GPR149: variants seen among roughly 807,000 people sequenced by gnomAD.
GPR149 encodes the protein G protein-coupled receptor 149.
In GPR149, 50 loss-of-function variants were observed where a neutral mutation model predicts 50.2. The ratio of observed to expected loss-of-function variants is 1.00; its 90% CI spans 0.79 to 1.26. The LOEUF is 1.26. GPR149 is among the 50% of genes most tolerant of loss of function. The probability of loss-of-function intolerance (pLI) is 0.00; values close to 1 mark genes in which losing one functional copy is unlikely to be tolerated. For missense variants in GPR149, 983 were observed against 895.4 expected, an observed-to-expected ratio of 1.10 and a Z score of -1.25; for synonymous variants, 405 against 358.2, an observed-to-expected ratio of 1.13 and a Z score of -1.48.
intron 3 of GPR149, among the ~76,000 whole-genome samples, chr3:154,376,216 A>G (rs1481686765): frequency 1.2e-5 from 1 of 80,564 alleles, no homozygotes; most frequent in Non-Finnish European, 3.5e-5. Context: ...TTTATCATGT[A>G]TTTGTTAATG....
intron 3 of GPR149, among the ~76,000 whole-genome samples, chr3:154,383,022 A>T (rs1228926882): frequency 1.3e-5 from 2 of 152,116 alleles, no homozygotes; most frequent in Admixed American, 1.3e-4. Context: ...CTCGTTGAGA[A>T]TGAAGTGAGG....
At chr3:154,385,841 A>G (rs1441343495) in intron 3 of GPR149, among the ~76,000 whole-genome samples, 1 of 151,910 alleles carries the variant, frequency 6.6e-6, no homozygotes, top group Non-Finnish European at 1.5e-5. Context: ...AGCTGGGACT[A>G]CAGGTGCCTG....
At chr3:154,380,373 C>T (rs757590637) in intron 3 of GPR149, among the ~76,000 whole-genome samples, 6 of 152,110 alleles carry the variant, frequency 3.9e-5, no homozygotes, top group Non-Finnish European at 7.4e-5. Flanking sequence ...GGTTTCTCTA[C>T]TATTTGAATT....
chr3:154,337,643 T>G lies in GPR149; in HGVS notation c.*56A>C. 8.0e-7 allele frequency: 1 copy of G among 1,252,170 alleles called. No individual in the cohort carries two copies. Among genetic ancestry groups the G allele is most frequent in the Non-Finnish European group, 1.1e-6 (1 of 901,418 alleles). 77.6% of individuals were successfully genotyped at this position (1,252,170 alleles called of 1,614,324 possible). On this transcript the variant is annotated 3_prime_UTR_variant, in exon 4 of 4. Coordinates refer to ENST00000389740, the MANE Select transcript of GPR149 (RefSeq NM_001038705.3). ...GAAATCAGTCTCATAACAAAGGTGT[T>G]AGTTTCACAGTTGACGTTGCAGATC... is the stretch of plus-strand genomic sequence containing the variant.
chr3:154,393,253 C>G (rs13073434), intron 3 of GPR149, among the ~76,000 whole-genome samples: 4,757 of 152,060 alleles, frequency 0.031, 115 homozygotes, highest in Non-Finnish European at 0.043. Flanking sequence ...TGCAATTTAT[C>G]CCTGGAAGGC....
chr3:154,370,236 C>A (rs1025774013), intron 3 of GPR149, among the ~76,000 whole-genome samples: 3 of 152,132 alleles, frequency 2.0e-5, no homozygotes, highest in African/African-American at 7.2e-5. Context: ...GCATAGTCTG[C>A]TTTAGGCCCA....
intron 3 of GPR149, among the ~76,000 whole-genome samples, chr3:154,369,593 C>A (rs554845406): frequency 1.2e-3 from 187 of 152,304 alleles, no homozygotes; most frequent in African/African-American, 4.0e-3. Context: ...ACTCCGTGAG[C>A]CAGGCACCCA....
chr3:154,344,424 C>G (rs1427855716), intron 3 of GPR149, among the ~76,000 whole-genome samples: 1 of 152,106 alleles, frequency 6.6e-6, no homozygotes, highest in Non-Finnish European at 1.5e-5. Flanking sequence ...GAATATGATA[C>G]AAAAACTGTT....
intron 3 of GPR149, among the ~76,000 whole-genome samples, chr3:154,360,747 T>C (rs1714358927): frequency 6.6e-6 from 1 of 152,204 alleles, no homozygotes; most frequent in African/African-American, 2.4e-5. Context: ...TCTCTCTGCA[T>C]ATGTGCATAG....
chr3:154,384,313 A>G (rs1420292597), intron 3 of GPR149, among the ~76,000 whole-genome samples: 1 of 152,240 alleles, frequency 6.6e-6, no homozygotes, highest in Non-Finnish European at 1.5e-5. Context: ...CACCTCAAGC[A>G]TAAAAAGAAT....
chr3:154,419,109 C>A (rs929337481), intron 3 of GPR149, among the ~76,000 whole-genome samples: 5 of 151,976 alleles, frequency 3.3e-5, no homozygotes, highest in Non-Finnish European at 1.5e-5. Flanking sequence ...TTCATAGCGA[C>A]CATTTCAGAG....
At chr3:154,404,700 C>T (rs150962039) in intron 3 of GPR149, among the ~76,000 whole-genome samples, 2 of 152,280 alleles carry the variant, frequency 1.3e-5, no homozygotes, top group East Asian at 3.9e-4. Flanking sequence ...CTCTGATAGA[C>T]CTTAGGCTTA....
At chr3:154,345,420 C>T (rs1029323292) in intron 3 of GPR149, among the ~76,000 whole-genome samples, 5 of 152,144 alleles carry the variant, frequency 3.3e-5, no homozygotes, top group South Asian at 2.1e-4. Context: ...GAGCATAAAA[C>T]GATTCCTTTT....
intron 3 of GPR149, among the ~76,000 whole-genome samples, chr3:154,343,480 C>T (rs979937155): frequency 6.6e-6 from 1 of 152,120 alleles, no homozygotes; most frequent in East Asian, 1.9e-4. Context: ...GTGTGTGTTG[C>T]TGATGCTGGA....
intron 1 of GPR149, 101 bp downstream of exon 1, chr3:154,428,534 T>C (rs1399333346): frequency 7.7e-7 from 1 of 1,294,198 alleles, no homozygotes; most frequent in Non-Finnish European, 1.1e-6. Flanking sequence ...GACTTCACTG[T>C]GTGTCTCTTG....
In GPR149 at chr3:154,429,162, C is replaced by T. The variant is rs375798320; in HGVS notation, c.454G>A (p.Gly152Ser). 15 of 1,613,698 alleles carry T rather than the reference C, an allele frequency of 9.3e-6. No individual in the cohort carries two copies. Among genetic ancestry groups the T allele is most frequent in the East Asian group, 2.2e-5 (1 of 44,858 alleles). The change falls in exon 1 of 4, where the codon GGC becomes AGC. Residue 152 changes from glycine to serine, a missense_variant. Gly to Ser is a moderately conservative substitution (Grantham distance 56). Transcript: ENST00000389740. ...GCTGCCCACACGGTCAGCACCACGC[C>T]GAGCACCTGGCCCGATCTTCTGGAG... is the stretch of plus-strand genomic sequence containing the variant. ...TASRRSGQVL[G>S]VVLTVWAASL...
intron 3 of GPR149, chr3:154,353,091 G>A (rs1264392846): frequency 6.3e-6 from 9 of 1,437,700 alleles, no homozygotes; most frequent in South Asian, 2.3e-5. Context: ...TAAACACTGG[G>A]CATTCTGTTT....
chr3:154,356,748 C>T (rs1714239059), intron 3 of GPR149, among the ~76,000 whole-genome samples: 2 of 151,978 alleles, frequency 1.3e-5, no homozygotes, highest in South Asian at 4.2e-4. Flanking sequence ...TGAAAATGGC[C>T]ATACTGCCCA....
Position 154,429,549 on chromosome 3 carries a change from T to C in GPR149, c.67A>G (p.Thr23Ala), listed in dbSNP as rs1419743898. ...SSLWKENHNS[T>A]DLLNPPGTLN... ...GTTCCTGGCGGATTTAAAAGGTCCGTAGAATTATGATTCTCTTTCCACAGG... is the reference window on the plus strand; with the variant it reads ...GTTCCTGGCGGATTTAAAAGGTCCGCAGAATTATGATTCTCTTTCCACAGG... The change falls in exon 1 of 4, where the codon ACG (threonine) becomes GCG (alanine). Residue 23 changes from threonine to alanine, a missense_variant. Coordinates refer to ENST00000389740, the MANE Select transcript of GPR149 (RefSeq NM_001038705.3). 6 of 1,613,832 alleles carry C rather than the reference T, an allele frequency of 3.7e-6. No individual in the cohort carries two copies. Among genetic ancestry groups the C allele is most frequent in the African/African-American group, 1.3e-5 (1 of 74,936 alleles).
Sources: gnomAD v4.1 joint callset for allele counts (sites outside exome capture counted in the v4.1 genomes callset) on GRCh38, gnomAD v4.1.1 for gene constraint, MANE v1.5 for transcripts, NCBI Gene and HGNC (gene_info 2026-07-23, HGNC 2026-07-21) for gene names.